Variants in DLG2 observed in about 807,000 individuals in gnomAD.
The protein encoded by DLG2 is disks large homolog 2.
Under a neutral mutation model 132.5 loss-of-function variants are expected in DLG2, and 45 were observed. The ratio of observed to expected loss-of-function variants is 0.34; its 90% CI spans 0.27 to 0.44. The LOEUF (loss-of-function observed/expected upper bound fraction) is 0.44. Ranked by LOEUF, DLG2 falls within the 20% of genes least tolerant of loss-of-function variation. The probability of loss-of-function intolerance (pLI) is 1.00; values close to 1 mark genes in which losing one functional copy is unlikely to be tolerated. For synonymous variants in DLG2, 424 were observed against 419.6 expected (o/e 1.01, Z -0.13); for missense variants, 1,045 against 1,196.9 (o/e 0.87, Z 1.87).
At chr11:84,342,545 G>C (rs576288980) in intron 7 of DLG2, among the ~76,000 whole-genome samples, 7 of 152,146 alleles carry the variant, frequency 4.6e-5, no homozygotes, top group Middle Eastern at 3.4e-3. Context: ...TAATAATTTG[G>C]TCCAAGGTAA....
At chr11:84,907,549 C>A (rs1780206950) in intron 6 of DLG2, among the ~76,000 whole-genome samples, 1 of 152,102 alleles carries the variant, frequency 6.6e-6, no homozygotes, top group South Asian at 2.1e-4. Flanking sequence ...CAACACAAAA[C>A]AGTTTCTTCG....
chr11:83,900,227 T>A (rs1437459938), intron 15 of DLG2, among the ~76,000 whole-genome samples: 2 of 152,146 alleles, frequency 1.3e-5, no homozygotes. Flanking sequence ...AAGCAGAGCA[T>A]AAAAGTTTGG....
chr11:85,484,714 G>A (rs1347262298), intron 3 of DLG2, among the ~76,000 whole-genome samples: 1 of 151,384 alleles, frequency 6.6e-6, no homozygotes, highest in Non-Finnish European at 1.5e-5. Flanking sequence ...AGGTGCTGGA[G>A]AGGATGTGGA....
intron 7 of DLG2, among the ~76,000 whole-genome samples, chr11:84,383,771 G>A (rs2098757611): frequency 1.3e-5 from 2 of 152,112 alleles, no homozygotes; most frequent in African/African-American, 4.8e-5. Context: ...TTGTAAGACT[G>A]CAGCCCTGGA....
At chr11:85,366,582 G>T (rs1056959122) in intron 3 of DLG2, among the ~76,000 whole-genome samples, 1 of 151,914 alleles carries the variant, frequency 6.6e-6, no homozygotes, top group Non-Finnish European at 1.5e-5. Flanking sequence ...TAGACATTCA[G>T]GTTATATTTA....
chr11:83,565,999 T>A (rs1372422648), intron 19 of DLG2, among the ~76,000 whole-genome samples: 1 of 152,176 alleles, frequency 6.6e-6, no homozygotes, highest in African/African-American at 2.4e-5. Flanking sequence ...TTTCATGAAG[T>A]CCTACTGGTT....
chr11:85,281,395 T>C (rs2078212284), intron 4 of DLG2, among the ~76,000 whole-genome samples: 2 of 152,022 alleles, frequency 1.3e-5, no homozygotes, highest in Admixed American at 1.3e-4. Context: ...TTCAAAATAA[T>C]GATCCCATTG....
chr11:85,467,579 T>C (rs2153069333), intron 3 of DLG2, among the ~76,000 whole-genome samples: 1 of 152,334 alleles, frequency 6.6e-6, no homozygotes, highest in African/African-American at 2.4e-5. Flanking sequence ...ATGTAGTTTT[T>C]GTCATTGGTT....
At chr11:83,469,070 G>T in intron 25 of DLG2, 131 bp downstream of exon 25, 1 of 688,726 alleles carries the variant, frequency 1.5e-6, no homozygotes, top group Non-Finnish European at 2.4e-6. Context: ...TCTCTGCTTG[G>T]ATGTTTTAAA....
chr11:83,727,930 C>A (rs2090319595), intron 18 of DLG2, among the ~76,000 whole-genome samples: 1 of 152,156 alleles, frequency 6.6e-6, no homozygotes, highest in African/African-American at 2.4e-5. Context: ...TGAAGTCATA[C>A]TATAGATTGG....
At chr11:85,550,859 G>A (rs1026428659) in intron 3 of DLG2, among the ~76,000 whole-genome samples, 14 of 152,130 alleles carry the variant, frequency 9.2e-5, no homozygotes, top group Non-Finnish European at 5.9e-5. Context: ...CATGGCCTCT[G>A]GCATGATGAA....
At chr11:83,905,608 A>T (rs542661186) in intron 15 of DLG2, among the ~76,000 whole-genome samples, 4 of 152,334 alleles carry the variant, frequency 2.6e-5, no homozygotes, top group African/African-American at 9.6e-5. Context: ...ATAAGCAGAC[A>T]TGTTTAACAT....
intron 7 of DLG2, among the ~76,000 whole-genome samples, chr11:84,345,440 C>T (rs1218751555): frequency 1.3e-5 from 2 of 152,066 alleles, no homozygotes; most frequent in African/African-American, 4.8e-5. Flanking sequence ...TTCTAAACTC[C>T]CAAACTACTA....
intron 17 of DLG2, among the ~76,000 whole-genome samples, chr11:83,798,887 T>C (rs149936427): frequency 6.6e-6 from 1 of 152,356 alleles, no homozygotes; most frequent in Non-Finnish European, 1.5e-5. Context: ...AAATGTAAGT[T>C]CTGTTGCCAA....
chr11:84,936,499 T>C (rs892315933), intron 6 of DLG2, among the ~76,000 whole-genome samples: 1 of 152,094 alleles, frequency 6.6e-6, no homozygotes. Flanking sequence ...AAATGAACTA[T>C]AGTGAATATT....
At chr11:83,509,708 G>A (rs1277624109) in intron 21 of DLG2, among the ~76,000 whole-genome samples, 3 of 152,120 alleles carry the variant, frequency 2.0e-5, no homozygotes, top group Non-Finnish European at 2.9e-5. Flanking sequence ...AGAACATCCA[G>A]GTTGAATAGA....
At chr11:84,651,033 C>A (rs1261237620) in intron 6 of DLG2, among the ~76,000 whole-genome samples, 5 of 150,046 alleles carry the variant, frequency 3.3e-5, no homozygotes, top group African/African-American at 1.2e-4. Flanking sequence ...GATGCTGTAC[C>A]TTTTTTTTTC....
intron 18 of DLG2, among the ~76,000 whole-genome samples, chr11:83,656,234 C>T (rs771634873): frequency 2.7e-4 from 41 of 152,168 alleles, no homozygotes; most frequent in Middle Eastern, 3.2e-3. Flanking sequence ...AATGAAACAT[C>T]GCTTTTCAAA....
chr11:83,665,747 T>C (rs544321252), intron 18 of DLG2, among the ~76,000 whole-genome samples: 3 of 152,182 alleles, frequency 2.0e-5, no homozygotes, highest in Non-Finnish European at 4.4e-5. Context: ...GCAACTCGTC[T>C]AAGGAAAAAT....
Sources: allele counts gnomAD v4.1 joint callset (sites outside exome capture counted in the v4.1 genomes callset), GRCh38; gene constraint gnomAD v4.1.1; transcripts MANE v1.5; gene names NCBI Gene and HGNC (gene_info 2026-07-23, HGNC 2026-07-21).